Variants in SGCD observed in about 807,000 individuals in gnomAD.
SGCD encodes delta-sarcoglycan.
SGCD carries 18 observed loss-of-function variants against 36.6 expected under a neutral mutation model. That is an observed-to-expected ratio of 0.49 (90% CI 0.34 to 0.73). SGCD has a LOEUF of 0.73. Ranked by LOEUF, SGCD falls within the 30% of genes least tolerant of loss-of-function variation. The pLI is 0.01. For missense variants in SGCD, 387 were observed against 346.7 expected (o/e 1.12, Z -0.92); for synonymous variants, 133 against 130.6 (o/e 1.02, Z -0.12).
chr5:155,780,936 C>T, the SGCD span, among the ~76,000 whole-genome samples: 6 of 152,186 alleles, frequency 3.9e-5, no homozygotes, highest in Non-Finnish European at 8.8e-5. Context: ...ACACCACTGA[C>T]TTGGTCATTC....
the SGCD span, among the ~76,000 whole-genome samples, chr5:155,840,139 T>C: frequency 6.6e-6 from 1 of 152,062 alleles, no homozygotes; most frequent in Non-Finnish European, 1.5e-5. Context: ...CCGTATTATG[T>C]ATTTTGTTGT....
chr5:155,811,353 G>T, the SGCD span, among the ~76,000 whole-genome samples: 1 of 152,220 alleles, frequency 6.6e-6, no homozygotes, highest in East Asian at 1.9e-4. Context: ...CTGGGAATTG[G>T]CATACAGTTA....
chr5:156,354,332 G>T (rs1769397741), intron 3 of SGCD, among the ~76,000 whole-genome samples: 1 of 152,074 alleles, frequency 6.6e-6, no homozygotes, highest in African/African-American at 2.4e-5. Flanking sequence ...GGAGCCTCAG[G>T]CATAATGGTT....
rs71285047 is a variant in SGCD at position 156,259,153 on chromosome 5, T to TA, written c.-43-70381_-43-70380insA. On this transcript the variant is annotated intron_variant, in intron 3 of 9. Coordinates refer to the SGCD transcript ENST00000517913. Reference sequence around the variant, plus strand: ...TTATTTATTTATTTATTTATTTATTTTAACCATCCTTGAGGGTGTGAATTT... The same window carrying TA: ...TTATTTATTTATTTATTTATTTATTTATAACCATCCTTGAGGGTGTGAATTT... Among the ~76,000 whole-genome samples, 29 of 151,512 alleles carry TA rather than the reference T, an allele frequency of 1.9e-4. 2 individuals carry two copies. In the East Asian group the frequency reaches 5.4e-3, roughly 28 times the overall value.
At chr5:156,316,111 T>A (rs1232427149) in intron 3 of SGCD, among the ~76,000 whole-genome samples, 4 of 151,904 alleles carry the variant, frequency 2.6e-5, no homozygotes, top group Non-Finnish European at 5.9e-5. Context: ...AACTAATAAA[T>A]GAATTTCATA....
intron 1 of SGCD, among the ~76,000 whole-genome samples, chr5:156,099,201 C>A (rs1474011339): frequency 2.0e-5 from 3 of 152,150 alleles, no homozygotes; most frequent in African/African-American, 7.2e-5. Context: ...TATGACAGTT[C>A]TTTTTGGTTG....
At chr5:156,141,981 C>T (rs1343871935) in intron 3 of SGCD, among the ~76,000 whole-genome samples, 2 of 152,246 alleles carry the variant, frequency 1.3e-5, no homozygotes, top group East Asian at 1.9e-4. Context: ...TCTGTCTCCA[C>T]CCAAATGTCA....
chr5:156,380,349 G>C (rs1364931505), intron 3 of SGCD, among the ~76,000 whole-genome samples: 1 of 152,158 alleles, frequency 6.6e-6, no homozygotes, highest in South Asian at 2.1e-4. Flanking sequence ...TACATAGTTT[G>C]TGTTTTGTAT....
At chr5:156,333,017 G>A (rs976913331) in intron 2 of SGCD, among the ~76,000 whole-genome samples, 1 of 152,156 alleles carries the variant, frequency 6.6e-6, no homozygotes, top group African/African-American at 2.4e-5. Flanking sequence ...TTAGAAAAAT[G>A]CATGCTGTTT....
At chr5:155,916,581 C>T (rs111773371) in intron 1 of SGCD, among the ~76,000 whole-genome samples, 13 of 152,238 alleles carry the variant, frequency 8.5e-5, no homozygotes, top group African/African-American at 3.1e-4. Context: ...TATTGACCTT[C>T]ATTTTTCCAA....
intron 1 of SGCD, among the ~76,000 whole-genome samples, chr5:155,925,056 C>T (rs972104004): frequency 6.7e-6 from 1 of 150,186 alleles, no homozygotes; most frequent in Non-Finnish European, 1.5e-5. Flanking sequence ...AAAAGTGAAA[C>T]CTAAATGTGT....
chr5:155,883,397 C>A (rs975370077), intron 1 of SGCD, among the ~76,000 whole-genome samples: 1 of 152,156 alleles, frequency 6.6e-6, no homozygotes, highest in African/African-American at 2.4e-5. Flanking sequence ...TCATTTCTGG[C>A]TTTTGATTTA....
intron 1 of SGCD, among the ~76,000 whole-genome samples, chr5:155,982,780 G>A (rs537329109): frequency 7.9e-5 from 12 of 152,262 alleles, no homozygotes; most frequent in South Asian, 2.1e-4. Context: ...GCTGCTTTCC[G>A]GGGGTGAAGC....
At chr5:156,008,030 C>T (rs1443510625) in intron 1 of SGCD, among the ~76,000 whole-genome samples, 2 of 152,004 alleles carry the variant, frequency 1.3e-5, no homozygotes, top group East Asian at 3.9e-4. Context: ...TTTTTTTCTC[C>T]ATAGTGATGA....
intron 6 of SGCD, among the ~76,000 whole-genome samples, chr5:156,614,784 G>A (rs1363995853): frequency 1.3e-5 from 2 of 152,022 alleles, no homozygotes; most frequent in South Asian, 2.1e-4. Flanking sequence ...CCTCATGGGG[G>A]GTCTTTGCAT....
At chr5:156,396,063 G>A (rs938520979) in intron 3 of SGCD, among the ~76,000 whole-genome samples, 2 of 152,188 alleles carry the variant, frequency 1.3e-5, no homozygotes, top group African/African-American at 4.8e-5. Context: ...AAGAACTGAA[G>A]TCAAGCTACC....
chr5:156,056,659 A>AAAAAACAAAAAACAAAAAAC (rs1760071685), intron 1 of SGCD, among the ~76,000 whole-genome samples: 1 of 141,890 alleles, frequency 7.0e-6, no homozygotes, highest in African/African-American at 2.6e-5. Context: ...AAAAAAAAAA[A>AAAAAACAAAAAACAAAAAAC]AAAAAACAGT....
intron 3 of SGCD, among the ~76,000 whole-genome samples, chr5:156,248,492 C>G (rs947722334): frequency 2.6e-5 from 4 of 152,044 alleles, no homozygotes; most frequent in Non-Finnish European, 5.9e-5. Flanking sequence ...GCACTCCAGC[C>G]TGGAGACAGA....
At chr5:155,920,354 G>T (rs1228069518) in intron 1 of SGCD, among the ~76,000 whole-genome samples, 1 of 152,148 alleles carries the variant, frequency 6.6e-6, no homozygotes, top group Non-Finnish European at 1.5e-5. Context: ...AAGGATGATG[G>T]TGTGGCTTAC....
Sources: allele counts gnomAD v4.1 joint callset (sites outside exome capture counted in the v4.1 genomes callset), GRCh38; gene constraint gnomAD v4.1.1; transcripts MANE v1.5; gene names NCBI Gene and HGNC (gene_info 2026-07-23, HGNC 2026-07-21).